SPTSSB: variants seen among roughly 807,000 people sequenced by gnomAD.
SPTSSB encodes serine palmitoyltransferase small subunit B.
In SPTSSB, 6 loss-of-function variants were observed where a neutral mutation model predicts 7.7. The ratio of observed to expected loss-of-function variants is 0.78; its 90% CI spans 0.43 to 1.54. SPTSSB has a LOEUF of 1.54. SPTSSB is among the 40% of genes most tolerant of loss of function. The pLI is 0.01. For synonymous variants in SPTSSB, 28 were observed against 29.7 expected (o/e 0.94, Z 0.19); for missense variants, 91 against 93.0 (o/e 0.98, Z 0.09).
At chr3:161,357,082 C>T (rs1165961575) in intron 2 of SPTSSB, among the ~76,000 whole-genome samples, 1 of 152,214 alleles carries the variant, frequency 6.6e-6, no homozygotes, top group Non-Finnish European at 1.5e-5. Flanking sequence ...GGTGCTCTCT[C>T]TGCCAACCCC....
At chr3:161,348,194 A>C (rs992581197) in intron 2 of SPTSSB, 1 of 152,024 alleles carries the variant, frequency 6.6e-6, no homozygotes, top group Non-Finnish European at 1.5e-5. Flanking sequence ...GCCAAGGGGG[A>C]AGGATCCCTT....
intron 2 of SPTSSB, among the ~76,000 whole-genome samples, chr3:161,358,047 T>G (rs1373339926): frequency 1.4e-5 from 2 of 144,908 alleles, no homozygotes; most frequent in African/African-American, 2.5e-5. Context: ...AACTTTTGTT[T>G]TTTTTTTTTT....
At chr3:161,355,905 A>G (rs1403311072) in intron 2 of SPTSSB, among the ~76,000 whole-genome samples, 1 of 152,238 alleles carries the variant, frequency 6.6e-6, no homozygotes, top group African/African-American at 2.4e-5. Context: ...TGAAATTTTA[A>G]AATAAACTTT....
At chr3:161,361,816 A>T (rs1188062361) in intron 1 of SPTSSB, among the ~76,000 whole-genome samples, 2 of 152,156 alleles carry the variant, frequency 1.3e-5, no homozygotes, top group Non-Finnish European at 2.9e-5. Context: ...GGGTGAAATG[A>T]TAACTCCCAT....
At chr3:161,360,756 G>A (rs566378300) in intron 1 of SPTSSB, among the ~76,000 whole-genome samples, 86 of 152,226 alleles carry the variant, frequency 5.6e-4, no homozygotes, top group Admixed American at 1.8e-3. Context: ...GGGTAAAATG[G>A]GGAAATCAAA....
chr3:161,357,867 A>C (rs150837172), intron 2 of SPTSSB, among the ~76,000 whole-genome samples: 1 of 152,200 alleles, frequency 6.6e-6, no homozygotes, highest in East Asian at 1.9e-4. Context: ...CAGCGCTGCC[A>C]ACACTTTGAT....
At chr3:161,363,616 C>T (rs184776258) in intron 1 of SPTSSB, among the ~76,000 whole-genome samples, 11 of 151,678 alleles carry the variant, frequency 7.3e-5, no homozygotes, top group Admixed American at 7.2e-4. Flanking sequence ...ATAATTTTAC[C>T]ATTTTTAAAA....
At chr3:161,371,214 A>C (rs751429830) in intron 1 of SPTSSB, among the ~76,000 whole-genome samples, 1 of 152,236 alleles carries the variant, frequency 6.6e-6, no homozygotes, top group Non-Finnish European at 1.5e-5. Flanking sequence ...GGAAAGTTTC[A>C]GTGTTAAAGT....
rs1158322649 is a variant in SPTSSB at position 161,346,338 on chromosome 3, A to G, written c.-15T>C. 16 of 1,549,814 alleles carry G rather than the reference A, an allele frequency of 1.0e-5. No individual in the cohort carries two copies. Among genetic ancestry groups the G allele is most frequent in the Non-Finnish European group, 1.4e-5 (16 of 1,121,672 alleles). On this transcript the variant is annotated 5_prime_UTR_variant, in exon 3 of 3. Transcript: ENST00000620149. ...CTCAAATCCATGGTTGGCTCCTTCA[A>G]GCTGCAGTAAGTTTGTCCTGTTAAA... is the stretch of plus-strand genomic sequence containing the variant.
At chr3:161,354,630 G>C (rs182034706) in intron 2 of SPTSSB, among the ~76,000 whole-genome samples, 12 of 152,352 alleles carry the variant, frequency 7.9e-5, no homozygotes, top group Admixed American at 1.3e-4. Context: ...ACAGGCGTGA[G>C]CCACCACACC....
intron 2 of SPTSSB, among the ~76,000 whole-genome samples, chr3:161,353,823 T>C (rs1308885613): frequency 6.6e-6 from 1 of 152,184 alleles, no homozygotes; most frequent in African/African-American, 2.4e-5. Flanking sequence ...ACCCCAATGT[T>C]TTCTGTGCCC....
At chr3:161,371,387 T>C in intron 1 of SPTSSB, 48 bp downstream of exon 1, 1 of 979,412 alleles carries the variant, frequency 1.0e-6, no homozygotes. Context: ...AATTCTATCC[T>C]ACTAAAGCTA....
At chr3:161,368,526 A>G (rs911743667) in intron 1 of SPTSSB, among the ~76,000 whole-genome samples, 3 of 149,590 alleles carry the variant, frequency 2.0e-5, no homozygotes, top group African/African-American at 7.4e-5. Flanking sequence ...TCCCGGGTTC[A>G]CGCCATTCTC....
chr3:161,353,093 A>T (rs1460347365), intron 2 of SPTSSB, among the ~76,000 whole-genome samples: 1 of 152,156 alleles, frequency 6.6e-6, no homozygotes, highest in Non-Finnish European at 1.5e-5. Flanking sequence ...GTCTTTGGGT[A>T]AATTCCAAAA....
intron 1 of SPTSSB, among the ~76,000 whole-genome samples, chr3:161,368,117 T>A (rs1167870533): frequency 6.6e-6 from 1 of 152,024 alleles, no homozygotes; most frequent in East Asian, 2.0e-4. Context: ...TTCTTAAATA[T>A]TTCATATATT....
intron 1 of SPTSSB, among the ~76,000 whole-genome samples, chr3:161,365,076 C>T (rs887655073): frequency 1.3e-5 from 2 of 152,104 alleles, no homozygotes; most frequent in African/African-American, 4.8e-5. Flanking sequence ...CAAATTGTCA[C>T]CTGGAAGCTG....
chr3:161,367,490 T>G (rs538165624), intron 1 of SPTSSB, among the ~76,000 whole-genome samples: 1 of 152,344 alleles, frequency 6.6e-6, no homozygotes, highest in South Asian at 2.1e-4. Context: ...GCCACCCCCA[T>G]GACACTCTGA....
intron 2 of SPTSSB, among the ~76,000 whole-genome samples, chr3:161,347,212 G>C (rs975400648): frequency 9.9e-5 from 15 of 152,130 alleles, no homozygotes; most frequent in African/African-American, 3.4e-4. Context: ...AGATAATATT[G>C]CTTATTTAGA....
chr3:161,344,916 A>C lies in SPTSSB; in HGVS notation c.*1177T>G, dbSNP rs948800860. On this transcript the variant is annotated 3_prime_UTR_variant, in exon 3 of 3. Coordinates refer to ENST00000620149, the MANE Select transcript of SPTSSB (RefSeq NM_001040100.2). The stretch of plus-strand genomic sequence containing the variant: ...ACATGCAAGTTAATTTGGCATGCCA[A>C]ACATCTTTCTCTCTAGCTCACCTTG... The C allele has an allele frequency of 1.3e-5, 2 of 152,730 alleles. No individual in the cohort carries two copies. The highest frequency in any genetic ancestry group is 4.8e-5 in the African/African-American group (2 of 41,570). 9.5% of individuals were successfully genotyped at this position (152,730 alleles called of 1,614,324 possible).
Sources: gnomAD v4.1 joint callset for allele counts (sites outside exome capture counted in the v4.1 genomes callset) on GRCh38, gnomAD v4.1.1 for gene constraint, MANE v1.5 for transcripts, NCBI Gene and HGNC (gene_info 2026-07-23, HGNC 2026-07-21) for gene names.